Variants in NELL1 observed in about 807,000 individuals in gnomAD.
NELL1 encodes the protein neural EGFL like 1, also known as protein kinase C-binding protein NELL1.
In NELL1, 76 loss-of-function variants were observed where a neutral mutation model predicts 107.4. The ratio of observed to expected loss-of-function variants is 0.71; its 90% CI spans 0.59 to 0.86. The LOEUF is 0.86. Among genes scored for constraint, NELL1 ranks in the 40% least tolerant of loss-of-function variants. The pLI, the probability that NELL1 is intolerant of heterozygous loss-of-function variation, is 0.00. For missense variants in NELL1, 1,024 were observed against 1,005.5 expected (o/e 1.02, Z -0.25); for synonymous variants, 353 against 341.2 (o/e 1.03, Z -0.38).
At chr11:20,896,135 C>G (rs925822500) in intron 5 of NELL1, among the ~76,000 whole-genome samples, 2 of 152,150 alleles carry the variant, frequency 1.3e-5, no homozygotes, top group African/African-American at 4.8e-5. Flanking sequence ...CCCTCACCCT[C>G]TCTCACCCTT....
chr11:20,984,433 G>T (rs1276387274), intron 12 of NELL1, among the ~76,000 whole-genome samples: 1 of 152,134 alleles, frequency 6.6e-6, no homozygotes, highest in Non-Finnish European at 1.5e-5. Flanking sequence ...TGCAAAAAGG[G>T]TTAGTAATTC....
At chr11:21,229,276 C>G in intron 13 of NELL1, 56 bp from the exon 14 acceptor site, 22 of 1,596,856 alleles carry the variant, frequency 1.4e-5, no homozygotes, top group Non-Finnish European at 1.9e-5. Context: ...TTTCCCAATA[C>G]CAGTAATTCC....
chr11:20,988,462 T>C (rs1487619466), intron 12 of NELL1, among the ~76,000 whole-genome samples: 1 of 150,982 alleles, frequency 6.6e-6, no homozygotes, highest in African/African-American at 2.4e-5. Context: ...TGTACATATA[T>C]GTGTGTATAT....
At position 20,826,162 on chromosome 11, in the gene NELL1, A is replaced by G. The variant is rs114219071; in HGVS notation, c.336-21421A>G. Among the ~76,000 whole-genome samples, 813 of 151,310 alleles carry G rather than the reference A, an allele frequency of 5.4e-3. 14 individuals carry two copies. Among genetic ancestry groups the G allele is most frequent in the African/African-American group, 0.019 (776 of 41,434 alleles). On this transcript the variant is annotated intron_variant, in intron 3 of 19. Transcript: ENST00000357134. ...ACTGTGTTTCAAACCTCTTTCTTTTATAAATTACCCAGTCTCGGGTACGTC... is the reference window on the plus strand; with the variant it reads ...ACTGTGTTTCAAACCTCTTTCTTTTGTAAATTACCCAGTCTCGGGTACGTC...
intron 12 of NELL1, among the ~76,000 whole-genome samples, chr11:21,099,192 AACACACACACACACAC>A (rs59848133): frequency 8.8e-4 from 125 of 141,956 alleles, no homozygotes; most frequent in African/African-American, 3.2e-3. Context: ...GACACTGAAC[AACACACACACACACAC>A]ACACACACAC....
chr11:21,123,655 C>T (rs1238025640), intron 13 of NELL1, among the ~76,000 whole-genome samples: 4 of 151,954 alleles, frequency 2.6e-5, no homozygotes, highest in Non-Finnish European at 4.4e-5. Flanking sequence ...GCTAACTTGA[C>T]GGTTTATAGC....
chr11:20,855,484 C>T (rs1412500392), intron 4 of NELL1, among the ~76,000 whole-genome samples: 1 of 152,164 alleles, frequency 6.6e-6, no homozygotes, highest in African/African-American at 2.4e-5. Flanking sequence ...GAAAATAAGA[C>T]TTCATTTCCA....
intron 3 of NELL1, among the ~76,000 whole-genome samples, chr11:20,804,768 T>C (rs1418369737): frequency 6.6e-6 from 1 of 152,190 alleles, no homozygotes; most frequent in Non-Finnish European, 1.5e-5. Context: ...AGCCTTTGGA[T>C]GAAATGTTCT....
intron 15 of NELL1, among the ~76,000 whole-genome samples, chr11:21,414,063 G>C (rs1852442786): frequency 6.6e-6 from 1 of 152,024 alleles, no homozygotes; most frequent in Non-Finnish European, 1.5e-5. Flanking sequence ...TTAAAGACTA[G>C]GGAGAAAGGA....
intron 13 of NELL1, among the ~76,000 whole-genome samples, chr11:21,172,279 G>A (rs1038509186): frequency 6.6e-6 from 1 of 151,870 alleles, no homozygotes; most frequent in African/African-American, 2.4e-5. Flanking sequence ...AGTAGACCAA[G>A]GAATTGCTAC....
At chr11:21,202,749 C>G (rs953829864) in intron 13 of NELL1, among the ~76,000 whole-genome samples, 4 of 152,284 alleles carry the variant, frequency 2.6e-5, no homozygotes, top group Admixed American at 6.5e-5. Context: ...CCTGCTTTAC[C>G]TTGTGGGCAT....
intron 12 of NELL1, among the ~76,000 whole-genome samples, chr11:20,982,089 G>A (rs1023319715): frequency 2.0e-5 from 3 of 152,044 alleles, no homozygotes; most frequent in South Asian, 4.1e-4. Context: ...AATCCCAGTG[G>A]ATCTAGCAAG....
intron 12 of NELL1, among the ~76,000 whole-genome samples, chr11:21,070,866 T>C (rs16907402): frequency 0.029 from 4,383 of 152,268 alleles, 190 homozygotes; most frequent in African/African-American, 0.099. Context: ...CAACTATCCC[T>C]CTTGCCAGAT....
chr11:21,465,067 T>A (rs559220643), intron 15 of NELL1, among the ~76,000 whole-genome samples: 1 of 152,038 alleles, frequency 6.6e-6, no homozygotes, highest in Non-Finnish European at 1.5e-5. Flanking sequence ...CAGTAAATGT[T>A]TGGTGAGTAC....
intron 15 of NELL1, among the ~76,000 whole-genome samples, chr11:21,436,954 A>G (rs532906466): frequency 2.0e-5 from 3 of 152,176 alleles, no homozygotes; most frequent in African/African-American, 7.2e-5. Flanking sequence ...TTCTAGTTTT[A>G]TTCCATGATG....
intron 13 of NELL1, among the ~76,000 whole-genome samples, chr11:21,228,475 G>C (rs1857950996): frequency 6.6e-6 from 1 of 152,098 alleles, no homozygotes; most frequent in African/African-American, 2.4e-5. Context: ...CCCTTAAACA[G>C]AGGCCTCAGA....
At chr11:21,457,845 A>G (rs998599328) in intron 15 of NELL1, among the ~76,000 whole-genome samples, 1 of 152,224 alleles carries the variant, frequency 6.6e-6, no homozygotes, top group Admixed American at 6.5e-5. Flanking sequence ...GAAAATTGTC[A>G]TAGGAGCCAA....
At chr11:21,291,757 C>T (rs917578958) in intron 14 of NELL1, among the ~76,000 whole-genome samples, 26 of 152,026 alleles carry the variant, frequency 1.7e-4, no homozygotes, top group African/African-American at 5.8e-4. Flanking sequence ...CCCTGGGATG[C>T]AAGCCTGGTT....
intron 15 of NELL1, among the ~76,000 whole-genome samples, chr11:21,508,819 GACTTCT>G (rs1855362893): frequency 6.6e-6 from 1 of 151,664 alleles, no homozygotes; most frequent in South Asian, 2.1e-4. Flanking sequence ...TTAGATATAG[GACTTCT>G]ACCAAACACC....
Sources: gnomAD v4.1 joint callset for allele counts (sites outside exome capture counted in the v4.1 genomes callset) on GRCh38, gnomAD v4.1.1 for gene constraint, MANE v1.5 for transcripts, NCBI Gene and HGNC (gene_info 2026-07-23, HGNC 2026-07-21) for gene names.